GALNT3: variants seen among roughly 807,000 people sequenced by gnomAD.
GALNT3 encodes the protein polypeptide N-acetylgalactosaminyltransferase 3, also known as GalNAc transferase 3.
A neutral mutation model predicts 69.8 loss-of-function variants in GALNT3; 51 were observed. The ratio of observed to expected loss-of-function variants is 0.73; its 90% CI spans 0.58 to 0.92. The LOEUF (loss-of-function observed/expected upper bound fraction) is 0.92. GALNT3 is among the 40% of genes least tolerant of loss of function. The probability of loss-of-function intolerance (pLI) is 0.00; values close to 1 mark genes in which losing one functional copy is unlikely to be tolerated. For synonymous variants in GALNT3, 265 were observed against 248.5 expected, an observed-to-expected ratio of 1.07 and a Z score of -0.63; for missense variants, 711 against 760.0, an observed-to-expected ratio of 0.94 and a Z score of 0.76.
At position 165,748,464 on chromosome 2, in the gene GALNT3, T is replaced by A. The variant is rs575253569; in HGVS notation, c.*317A>T. 1.9e-5 allele frequency: 7 copies of A among 366,116 alleles called. No homozygotes were observed. The highest frequency in any genetic ancestry group is 3.5e-5 in the Non-Finnish European group (7 of 197,536). The allele number at this position is 366,116 out of a possible 1,614,324, so 22.7% of individuals were successfully genotyped here. A position where few individuals can be genotyped will look rare whatever the true frequency, so the allele number is the denominator to read the frequency against. On this transcript the variant is annotated 3_prime_UTR_variant, in exon 11 of 11. Coordinates refer to ENST00000392701, the MANE Select transcript of GALNT3 (RefSeq NM_004482.4). Reference sequence around the variant, plus strand: ...AATTGTGAGTGTGTGAATGTAGCTATATATATATATCCCTAAGTGTACAAA... The same window carrying A: ...AATTGTGAGTGTGTGAATGTAGCTAAATATATATATCCCTAAGTGTACAAA...
Position 165,779,082 on chromosome 2 carries a change from T to C in GALNT3, c.-108-8274A>G, listed in dbSNP as rs115443671. Among the ~76,000 whole-genome samples the C allele has an allele frequency of 3.2e-3, 481 of 152,258 alleles. 4 individuals are homozygous for C. Among genetic ancestry groups the C allele is most frequent in the African/African-American group, 0.011 (467 of 41,536 alleles). On this transcript the variant is annotated intron_variant, in intron 1 of 10. Coordinates refer to ENST00000392701, the MANE Select transcript of GALNT3 (RefSeq NM_004482.4). The stretch of plus-strand genomic sequence containing the variant: ...TGCAGTGTGTGGGGAACACCAACTC[T>C]AGAAAAAGCTGTGTTCTGCAGATAC...
At chr2:165,791,157 G>A (rs1385353584) in intron 1 of GALNT3, among the ~76,000 whole-genome samples, 1 of 152,020 alleles carries the variant, frequency 6.6e-6, no homozygotes, top group Non-Finnish European at 1.5e-5. Context: ...CTAGCACCAA[G>A]GTCCTGGAGC....
intron 1 of GALNT3, among the ~76,000 whole-genome samples, chr2:165,782,969 G>A (rs1009561758): frequency 2.0e-5 from 3 of 152,138 alleles, no homozygotes; most frequent in Non-Finnish European, 4.4e-5. Context: ...GCTACCACTA[G>A]GCATATACCA....
intron 4 of GALNT3, chr2:165,761,670 A>G: frequency 1.4e-6 from 1 of 705,830 alleles, no homozygotes; most frequent in Non-Finnish European, 2.6e-6. Context: ...TAACTGGAGA[A>G]CACTGAAGTT....
At chr2:165,755,941 T>G (rs1324360257) in intron 7 of GALNT3, among the ~76,000 whole-genome samples, 1 of 152,150 alleles carries the variant, frequency 6.6e-6, no homozygotes, top group Non-Finnish European at 1.5e-5. Flanking sequence ...ATTTGCTGAT[T>G]TATGTGCCCC....
At chr2:165,749,630 G>C in intron 10 of GALNT3, 112 bp downstream of exon 10, 2 of 953,648 alleles carry the variant, frequency 2.1e-6, no homozygotes, top group Non-Finnish European at 3.4e-6. Flanking sequence ...TTAATAAAGG[G>C]AGAGAAATTC....
At chr2:165,765,087 T>C in intron 2 of GALNT3, 31 bp from the exon 3 acceptor site, 1 of 1,563,350 alleles carries the variant, frequency 6.4e-7, no homozygotes, top group Non-Finnish European at 8.8e-7. Flanking sequence ...AGAAAAACAA[T>C]TACAAATTTT....
chr2:165,758,063 G>A (rs190822477), intron 6 of GALNT3, among the ~76,000 whole-genome samples: 8 of 152,220 alleles, frequency 5.3e-5, no homozygotes, highest in Non-Finnish European at 1.0e-4. Flanking sequence ...GACCCAACAC[G>A]TGCTAGGGGT....
At chr2:165,786,650 C>A (rs1383985560) in intron 1 of GALNT3, among the ~76,000 whole-genome samples, 1 of 152,046 alleles carries the variant, frequency 6.6e-6, no homozygotes, top group Admixed American at 6.6e-5. Flanking sequence ...TATTTTCAAT[C>A]TAAGGTTGTT....
At chr2:165,780,086 T>G (rs1178043485) in intron 1 of GALNT3, among the ~76,000 whole-genome samples, 1 of 152,196 alleles carries the variant, frequency 6.6e-6, no homozygotes, top group African/African-American at 2.4e-5. Context: ...GCAGCAGCGC[T>G]ATCCCAGTCA....
At chr2:165,762,485 A>T (rs770607525) in intron 3 of GALNT3, among the ~76,000 whole-genome samples, 1 of 152,236 alleles carries the variant, frequency 6.6e-6, no homozygotes, top group Non-Finnish European at 1.5e-5. Flanking sequence ...GAAAAATGTC[A>T]AATATCTAAA....
At chr2:165,784,614 T>C (rs961871574) in intron 1 of GALNT3, among the ~76,000 whole-genome samples, 9 of 152,014 alleles carry the variant, frequency 5.9e-5, no homozygotes, top group African/African-American at 1.9e-4. Context: ...GGCAAGAGGA[T>C]TGCTTGAGCC....
chr2:165,774,536 T>C (rs1688811504), intron 1 of GALNT3, among the ~76,000 whole-genome samples: 1 of 152,130 alleles, frequency 6.6e-6, no homozygotes, highest in East Asian at 1.9e-4. Flanking sequence ...ACTAGAGGAA[T>C]TGTTCATCAG....
chr2:165,769,120 G>A (rs1688701157), intron 2 of GALNT3, among the ~76,000 whole-genome samples: 1 of 149,338 alleles, frequency 6.7e-6, no homozygotes, highest in Non-Finnish European at 1.5e-5. Context: ...AAAACTTACT[G>A]AGGGGCTGGG....
intron 1 of GALNT3, among the ~76,000 whole-genome samples, chr2:165,789,733 G>C (rs1302442755): frequency 6.6e-6 from 1 of 151,808 alleles, no homozygotes; most frequent in Non-Finnish European, 1.5e-5. Flanking sequence ...GATTTTTTTG[G>C]ATGTTAGAAA....
intron 10 of GALNT3, 61 bp from the exon 11 acceptor site, chr2:165,748,964 G>T: frequency 6.6e-7 from 1 of 1,519,284 alleles, no homozygotes; most frequent in Non-Finnish European, 9.0e-7. Context: ...TGACAAATAT[G>T]AAAAAGATTT....
intron 4 of GALNT3, 46 bp downstream of exon 4, chr2:165,761,859 A>T: frequency 6.3e-7 from 1 of 1,591,868 alleles, no homozygotes; most frequent in Non-Finnish European, 8.6e-7. Flanking sequence ...AATTAGAGGG[A>T]GAGGGAGGGA....
At chr2:165,792,605 C>T (rs532725525) in intron 1 of GALNT3, among the ~76,000 whole-genome samples, 1 of 152,000 alleles carries the variant, frequency 6.6e-6, no homozygotes, top group Non-Finnish European at 1.5e-5. Context: ...TTAAGTAAAA[C>T]GTGCAATTTA....
intron 1 of GALNT3, among the ~76,000 whole-genome samples, chr2:165,785,340 G>A (rs1273764855): frequency 1.3e-5 from 2 of 152,056 alleles, no homozygotes; most frequent in Non-Finnish European, 2.9e-5. Flanking sequence ...AGAATTATTT[G>A]TATTTTAAAA....
Sources: gnomAD v4.1 joint callset for allele counts (sites outside exome capture counted in the v4.1 genomes callset) on GRCh38, gnomAD v4.1.1 for gene constraint, MANE v1.5 for transcripts, NCBI Gene and HGNC (gene_info 2026-07-23, HGNC 2026-07-21) for gene names.